DAB1: variants seen among roughly 807,000 people sequenced by gnomAD.
DAB1 encodes disabled homolog 1.
DAB1 carries 15 observed loss-of-function variants against 64.6 expected under a neutral mutation model. That is an observed-to-expected ratio of 0.23 (90% CI 0.16 to 0.36). The LOEUF (loss-of-function observed/expected upper bound fraction) is 0.36. Ranked by LOEUF, DAB1 falls within the 10% of genes least tolerant of loss-of-function variation. The pLI, the probability that DAB1 is intolerant of heterozygous loss-of-function variation, is 1.00. For synonymous variants in DAB1, 235 were observed against 251.9 expected (o/e 0.93, Z 0.64); for missense variants, 596 against 706.7 (o/e 0.84, Z 1.78).
At chr1:57,989,414 A>T (rs1296017099) in intron 5 of DAB1, among the ~76,000 whole-genome samples, 1 of 152,164 alleles carries the variant, frequency 6.6e-6, no homozygotes, top group East Asian at 1.9e-4. Flanking sequence ...TTTTGATTCA[A>T]ACAAGTGGAG....
chr1:57,232,578 C>T (rs1200811510), intron 2 of DAB1, among the ~76,000 whole-genome samples: 2 of 152,056 alleles, frequency 1.3e-5, no homozygotes, highest in Admixed American at 6.5e-5. Context: ...TATTTAAATG[C>T]ACTCTTCCCA....
intron 6 of DAB1, among the ~76,000 whole-genome samples, chr1:57,717,314 G>GA (rs970745964): frequency 3.3e-5 from 5 of 150,520 alleles, no homozygotes; most frequent in African/African-American, 4.9e-5. Context: ...ACAGATACAT[G>GA]AAAAAAATGA....
At chr1:57,120,125 T>G (rs894451692) in intron 4 of DAB1, among the ~76,000 whole-genome samples, 6 of 152,198 alleles carry the variant, frequency 3.9e-5, no homozygotes, top group African/African-American at 1.2e-4. Context: ...AATATTTTTT[T>G]GGGCTGGAGT....
At chr1:57,907,011 T>A (rs1644563140) in intron 5 of DAB1, among the ~76,000 whole-genome samples, 2 of 152,254 alleles carry the variant, frequency 1.3e-5, no homozygotes, top group South Asian at 4.1e-4. Flanking sequence ...AGGAACATTG[T>A]AAGCAACAAA....
chr1:57,366,965 G>A (rs1239137996), intron 1 of DAB1, among the ~76,000 whole-genome samples: 1 of 151,678 alleles, frequency 6.6e-6, no homozygotes, highest in Non-Finnish European at 1.5e-5. Flanking sequence ...CCGACACTTT[G>A]GGAGGCAGAG....
At chr1:58,384,884 G>A (rs925935947) in intron 3 of DAB1, among the ~76,000 whole-genome samples, 10 of 152,166 alleles carry the variant, frequency 6.6e-5, no homozygotes, top group African/African-American at 2.2e-4. Flanking sequence ...CTTTATTCTC[G>A]CCTAACTGGC....
At chr1:57,023,179 G>A (rs113515234) in intron 11 of DAB1, among the ~76,000 whole-genome samples, 38 of 152,270 alleles carry the variant, frequency 2.5e-4, no homozygotes, top group South Asian at 1.2e-3. Context: ...AGCTGACTCC[G>A]TGTCCTCCCC....
At chr1:57,400,484 A>G in intron 1 of DAB1, among the ~76,000 whole-genome samples, 1 of 151,980 alleles carries the variant, frequency 6.6e-6, no homozygotes. Flanking sequence ...CCACTAATAC[A>G]ACCATGGTGG....
chr1:57,301,948 C>T (rs1247956855), intron 1 of DAB1, among the ~76,000 whole-genome samples: 2 of 152,178 alleles, frequency 1.3e-5, no homozygotes, highest in African/African-American at 4.8e-5. Context: ...AGACAGGTGG[C>T]AGGCTTCCTC....
rs766053447 is a variant in DAB1 at position 57,011,256 on chromosome 1, A to G, written c.1461T>C (p.Pro487=). 3.7e-6 allele frequency: 6 copies of G among 1,613,856 alleles called. No homozygotes were observed. The East Asian group carries it at 1.1e-4, about 30-fold the overall frequency. Residue 487 remains proline, a synonymous_variant, in exon 13 of 15, where the codon CCT becomes CCC. Transcript: ENST00000371236. ...PSTNSPPTPA[P]RQSSPSKSSA... is the part of the protein sequence containing the mutation. ...ATGATTTGGATGGAGAGCTCTGTCT[A>G]GGGGCTGGGGTTGGAGCTACACAGA...
chr1:58,211,437 C>T lies in DAB1; in HGVS notation n.310-60849G>A, dbSNP rs17117117. Reference sequence around the variant, plus strand: ...AAAATAACTTTTTCTGATGATCACACTGCACCTGCTCTTCACTTTGTGAGT... The same window carrying T: ...AAAATAACTTTTTCTGATGATCACATTGCACCTGCTCTTCACTTTGTGAGT... On this transcript the variant is annotated intron_variant and non_coding_transcript_variant, in intron 4 of 20. Transcript: ENST00000485760. 9.2e-3 allele frequency among the ~76,000 whole-genome samples: 1,406 copies of T among 152,276 alleles called. 41 individuals carry two copies. The highest frequency in any genetic ancestry group is 0.066 in the East Asian group (342 of 5,168).
At chr1:58,075,997 T>C (rs1330966457) in intron 5 of DAB1, among the ~76,000 whole-genome samples, 1 of 152,094 alleles carries the variant, frequency 6.6e-6, no homozygotes, top group Non-Finnish European at 1.5e-5. Flanking sequence ...TCCAAATTTC[T>C]AGAGAAGGGA....
At chr1:57,379,320 T>C (rs1409152513) in intron 1 of DAB1, among the ~76,000 whole-genome samples, 3 of 152,184 alleles carry the variant, frequency 2.0e-5, no homozygotes, top group Non-Finnish European at 4.4e-5. Context: ...TAAGAGAGTT[T>C]AATAAACTTA....
At chr1:57,923,459 A>C (rs1445472549) in intron 5 of DAB1, among the ~76,000 whole-genome samples, 2 of 152,206 alleles carry the variant, frequency 1.3e-5, no homozygotes, top group Admixed American at 1.3e-4. Flanking sequence ...GGCAAACATT[A>C]GGCTGCAGTT....
At position 57,076,848 on chromosome 1, in the gene DAB1, G is replaced by A. The variant is rs149815182; in HGVS notation, c.307-4434C>T. ...ACACAGGATGCTTTGCACTTCTTTC[G>A]CATTTATCCATTCATCCAGTTACTC... On this transcript the variant is annotated intron_variant, in intron 4 of 14. Coordinates refer to ENST00000371236, the MANE Select transcript of DAB1 (RefSeq NM_001365792.1). Among the ~76,000 whole-genome samples the A allele has an allele frequency of 1.7e-4, 26 of 152,154 alleles. 1 individual carries two copies. Among genetic ancestry groups the A allele is most frequent in the Admixed American group, 9.8e-4 (15 of 15,280 alleles).
chr1:57,914,190 C>T (rs1198491741), intron 5 of DAB1, among the ~76,000 whole-genome samples: 3 of 152,094 alleles, frequency 2.0e-5, no homozygotes, highest in Non-Finnish European at 4.4e-5. Context: ...GACTTGGAAC[C>T]AACCCAAATG....
At chr1:57,983,158 C>A (rs1465098967) in intron 5 of DAB1, among the ~76,000 whole-genome samples, 1 of 152,192 alleles carries the variant, frequency 6.6e-6, no homozygotes, top group Non-Finnish European at 1.5e-5. Flanking sequence ...CTTCAAAATG[C>A]TCAATCTCTC....
In DAB1 at chr1:57,842,169, GA is replaced by G. The variant is rs1394876910; in HGVS notation, n.88-15715del. On this transcript the variant is annotated intron_variant and non_coding_transcript_variant, in intron 1 of 1. Coordinates refer to the DAB1 transcript ENST00000477280. ...AAGTTCCATAGAGCTCTAGGGCAGGGAAAAATGCTGCAAGTCTGTTTGCTAA... is the reference window on the plus strand; with the variant it reads ...AAGTTCCATAGAGCTCTAGGGCAGGGAAAATGCTGCAAGTCTGTTTGCTAA... Among the ~76,000 whole-genome samples the G allele has an allele frequency of 3.3e-5, 5 of 152,280 alleles. No homozygotes were observed. The East Asian group carries it at 9.6e-4, about 29-fold the overall frequency.
chr1:58,210,357 T>C (rs926529350), intron 4 of DAB1, among the ~76,000 whole-genome samples: 2 of 152,358 alleles, frequency 1.3e-5, no homozygotes, highest in Non-Finnish European at 2.9e-5. Context: ...ATCTGCATGA[T>C]AGGAGCACAT....
Sources: gnomAD v4.1 joint callset for allele counts (sites outside exome capture counted in the v4.1 genomes callset) on GRCh38, gnomAD v4.1.1 for gene constraint, MANE v1.5 for transcripts, NCBI Gene and HGNC (gene_info 2026-07-23, HGNC 2026-07-21) for gene names.